YIPF7: variants seen among roughly 807,000 people sequenced by gnomAD.
YIPF7 encodes Yip1 domain family member 7.
YIPF7 carries 35 observed loss-of-function variants against 27.2 expected under a neutral mutation model. The observed-to-expected ratio is 1.29, with a 90% CI of 0.98 to 1.70. The LOEUF (loss-of-function observed/expected upper bound fraction) is 1.70. YIPF7 is among the 40% of genes most tolerant of loss of function. The pLI is 0.00. For synonymous variants in YIPF7, 137 were observed against 110.4 expected (o/e 1.24, Z -1.51); for missense variants, 358 against 303.7 (o/e 1.18, Z -1.33).
chr4:44,647,708 T>C (rs1713576833), intron 2 of YIPF7, among the ~76,000 whole-genome samples: 1 of 152,090 alleles, frequency 6.6e-6, no homozygotes, highest in South Asian at 2.1e-4. Context: ...CTAAAAAAAA[T>C]TATATCTCAA....
chr4:44,622,683 G>T (rs151304151), intron 5 of YIPF7, 107 bp from the exon 6 acceptor site: 7 of 1,357,152 alleles, frequency 5.2e-6, no homozygotes, highest in Middle Eastern at 1.9e-4. Context: ...CTACTTTCCC[G>T]AGTGGTAAAA....
chr4:44,660,113 C>CAAAAAAAAAACAA lies in YIPF7; in HGVS notation c.-2+335_-2+336insTTGTTTTTTTTTT, dbSNP rs1714004257. Reference sequence around the variant, plus strand: ...TGGGTGACAGAGCAAGACTCTGTCTCAAAAAAAAAAAAAAAAAAAAAAACG... The same window carrying CAAAAAAAAAACAA: ...TGGGTGACAGAGCAAGACTCTGTCTCAAAAAAAAAACAAAAAAAAAAAAAAAAAAAAAAAAACG... On this transcript the variant is annotated intron_variant, in intron 2 of 2. Coordinates refer to the YIPF7 transcript ENST00000508947. Among the ~76,000 whole-genome samples, 2 of 25,514 alleles carry CAAAAAAAAAACAA rather than the reference C, an allele frequency of 7.8e-5. 1 individual carries two copies. Among genetic ancestry groups the CAAAAAAAAAACAA allele is most frequent in the African/African-American group, 2.3e-4 (2 of 8,692 alleles). 16.7% of individuals were successfully genotyped at this position (25,514 alleles called of 152,430 possible). A position where few individuals can be genotyped will look rare whatever the true frequency, so the allele number is the denominator to read the frequency against.
At position 44,626,763 on chromosome 4, in the gene YIPF7, C is replaced by CTTTTTTTTTTTTTTTTTTT. The variant is rs71190269; in HGVS notation, c.427-2000_427-1982dup. On this transcript the variant is annotated intron_variant, in intron 4 of 5. Coordinates refer to ENST00000415895, the MANE Select transcript of YIPF7 (RefSeq NM_182592.3). ...CCCTATTCCATCCTCATTAGCACAT[C>CTTTTTTTTTTTTTTTTTTT]TTTTTTTTTTTTTTTTTTTTTTTTT... is the stretch of plus-strand genomic sequence containing the variant. Among the ~76,000 whole-genome samples, 22 of 69,778 alleles carry CTTTTTTTTTTTTTTTTTTT rather than the reference C, an allele frequency of 3.2e-4. 8 individuals carry two copies. Among genetic ancestry groups the CTTTTTTTTTTTTTTTTTTT allele is most frequent in the Non-Finnish European group, 4.4e-4 (18 of 41,080 alleles). 45.8% of individuals were successfully genotyped at this position (69,778 alleles called of 152,430 possible). A position where few individuals can be genotyped will look rare whatever the true frequency, so the allele number is the denominator to read the frequency against.
chr4:44,660,474 G>A (rs910614371), exon 2 of YIPF7: 1 of 152,218 alleles, frequency 6.6e-6, no homozygotes, highest in African/African-American at 2.4e-5. Flanking sequence ...TGAAGAGGCT[G>A]TATGGGGAGA....
intron 2 of YIPF7, among the ~76,000 whole-genome samples, chr4:44,637,316 T>G (rs892364031): frequency 6.6e-6 from 1 of 152,176 alleles, no homozygotes; most frequent in African/African-American, 2.4e-5. Context: ...CTTTGAGAAA[T>G]CTTCATACTG....
Position 44,622,330 on chromosome 4 carries a change from C to G in YIPF7, c.*84G>C. On this transcript the variant is annotated 3_prime_UTR_variant, in exon 6 of 6. Transcript: ENST00000415895. ...CTCTCAAAAGCAATAAAACAGAAAT[C>G]ATATCACCAAATTTGAATGTTAATA... The G allele has an allele frequency of 6.8e-7, 1 of 1,464,760 alleles. No individual in the cohort carries two copies. The highest frequency in any genetic ancestry group is 1.4e-5 in the South Asian group (1 of 71,386). The allele number at this position is 1,464,760 out of a possible 1,614,324, so 90.7% of individuals were successfully genotyped here. A position where few individuals can be genotyped will look rare whatever the true frequency, so the allele number is the denominator to read the frequency against.
intron 2 of YIPF7, among the ~76,000 whole-genome samples, chr4:44,660,030 C>T (rs868654302): frequency 1.4e-5 from 2 of 138,830 alleles, no homozygotes; most frequent in Non-Finnish European, 3.0e-5. Context: ...AGGAGAATGG[C>T]GTGAACCTGG....
chr4:44,641,742 GAGATATACA>G (rs1713332897), intron 2 of YIPF7, among the ~76,000 whole-genome samples: 1 of 152,174 alleles, frequency 6.6e-6, no homozygotes, highest in Admixed American at 6.5e-5. Flanking sequence ...ATAGAGGGGG[GAGATATACA>G]CTTAATCATT....
At chr4:44,629,837 A>T (rs1051949330) in intron 3 of YIPF7, among the ~76,000 whole-genome samples, 2 of 152,248 alleles carry the variant, frequency 1.3e-5, no homozygotes, top group Non-Finnish European at 2.9e-5. Context: ...TCCCTGATTT[A>T]TGCAGCAAAT....
chr4:44,656,191 T>G (rs1713896233), upstream of YIPF7, among the ~76,000 whole-genome samples: 1 of 152,040 alleles, frequency 6.6e-6, no homozygotes. Context: ...TTGTACATTC[T>G]TAGTAACCAT....
At chr4:44,631,787 T>C (rs997294961) in intron 3 of YIPF7, among the ~76,000 whole-genome samples, 3 of 152,126 alleles carry the variant, frequency 2.0e-5, no homozygotes, top group Non-Finnish European at 4.4e-5. Context: ...ACTTTAAAAA[T>C]TGAGACATAC....
At chr4:44,658,120 C>T (rs1425925529) in intron 2 of YIPF7, among the ~76,000 whole-genome samples, 2 of 152,110 alleles carry the variant, frequency 1.3e-5, no homozygotes, top group African/African-American at 4.8e-5. Context: ...CTCCCCCTGT[C>T]CCCCTACCAA....
chr4:44,626,706 AT>A (rs895446280), intron 4 of YIPF7, among the ~76,000 whole-genome samples: 4 of 125,940 alleles, frequency 3.2e-5, no homozygotes, highest in African/African-American at 1.2e-4. Flanking sequence ...TAAATGTTCT[AT>A]TTTTTTAACC....
At chr4:44,625,356 C>T (rs779041323) in intron 4 of YIPF7, among the ~76,000 whole-genome samples, 6 of 152,130 alleles carry the variant, frequency 3.9e-5, no homozygotes, top group Non-Finnish European at 7.4e-5. Context: ...GGTAATATAA[C>T]GCTAAGCAAT....
chr4:44,624,388 C>A (rs1712549460), intron 5 of YIPF7, among the ~76,000 whole-genome samples: 1 of 152,064 alleles, frequency 6.6e-6, no homozygotes, highest in African/African-American at 2.4e-5. Flanking sequence ...TTAAAGATAA[C>A]TTGGATTAAT....
intron 1 of YIPF7, among the ~76,000 whole-genome samples, chr4:44,650,484 C>T (rs147126558): frequency 5.9e-5 from 8 of 134,968 alleles, no homozygotes; most frequent in South Asian, 2.7e-4. Flanking sequence ...TTTAAGCAGG[C>T]GCACACACAT....
intron 2 of YIPF7, among the ~76,000 whole-genome samples, chr4:44,660,271 A>G (rs12499644): frequency 0.54 from 82,606 of 151,646 alleles, 23,473 homozygotes; most frequent in Non-Finnish European, 0.64. Context: ...TCCTTTTTAA[A>G]AAGGGATGTA....
intron 2 of YIPF7, among the ~76,000 whole-genome samples, chr4:44,639,462 A>C (rs1713250272): frequency 6.6e-6 from 1 of 152,024 alleles, no homozygotes; most frequent in African/African-American, 2.4e-5. Flanking sequence ...TGTAAATGAG[A>C]TTGCCCTCTT....
At chr4:44,635,454 A>ATAAAAAAGAT (rs1018094596) in intron 3 of YIPF7, among the ~76,000 whole-genome samples, 2 of 151,998 alleles carry the variant, frequency 1.3e-5, no homozygotes, top group African/African-American at 4.8e-5. Flanking sequence ...GTCAGGAAAG[A>ATAAAAAAGAT]AAAAAAACTG....
Sources: gnomAD v4.1 joint callset for allele counts (sites outside exome capture counted in the v4.1 genomes callset) on GRCh38, gnomAD v4.1.1 for gene constraint, MANE v1.5 for transcripts, NCBI Gene and HGNC (gene_info 2026-07-23, HGNC 2026-07-21) for gene names.